The following PRR16 variants were observed in gnomAD, a reference collection of about 807,000 sequenced individuals.
PRR16 encodes the protein protein Largen.
PRR16 carries 6 observed loss-of-function variants against 18.2 expected under a neutral mutation model. That is an observed-to-expected ratio of 0.33 (90% CI 0.18 to 0.65). The LOEUF (loss-of-function observed/expected upper bound fraction) is 0.65. Among genes scored for constraint, PRR16 ranks in the 30% least tolerant of loss-of-function variants. The pLI is 0.74. For synonymous variants in PRR16, 151 were observed against 147.8 expected (o/e 1.02, Z -0.16); for missense variants, 412 against 376.6 (o/e 1.09, Z -0.78).
intron 1 of PRR16, among the ~76,000 whole-genome samples, chr5:120,552,139 G>T (rs1244707734): frequency 6.6e-6 from 1 of 151,928 alleles, no homozygotes; most frequent in Non-Finnish European, 1.5e-5. Flanking sequence ...ATTTTCAGAA[G>T]ATCATGTGAA....
At chr5:120,524,603 A>G (rs574357707) in intron 1 of PRR16, among the ~76,000 whole-genome samples, 1 of 152,218 alleles carries the variant, frequency 6.6e-6, no homozygotes, top group South Asian at 2.1e-4. Context: ...AATAAATATC[A>G]TCTAGTATTT....
the PRR16 span, among the ~76,000 whole-genome samples, chr5:120,700,842 C>T: frequency 6.6e-6 from 1 of 152,108 alleles, no homozygotes; most frequent in African/African-American, 2.4e-5. Flanking sequence ...GGCGATCGGG[C>T]AGTGTCAGTC....
the PRR16 span, among the ~76,000 whole-genome samples, chr5:120,766,596 C>T: frequency 6.6e-6 from 1 of 151,708 alleles, no homozygotes; most frequent in Non-Finnish European, 1.5e-5. Context: ...AGCTTAATTC[C>T]CTCTTAAGTG....
chr5:120,728,779 T>C, the PRR16 span, among the ~76,000 whole-genome samples: 3 of 152,214 alleles, frequency 2.0e-5, no homozygotes, highest in Non-Finnish European at 2.9e-5. Context: ...ACTCTACTTA[T>C]TCTTATAGCA....
intron 1 of PRR16, among the ~76,000 whole-genome samples, chr5:120,542,442 A>G (rs1240103991): frequency 6.6e-6 from 1 of 151,928 alleles, no homozygotes; most frequent in Non-Finnish European, 1.5e-5. Flanking sequence ...TCGTTACATG[A>G]TACACTTGTC....
chr5:120,569,686 T>G (rs2112732894), intron 1 of PRR16, among the ~76,000 whole-genome samples: 1 of 152,146 alleles, frequency 6.6e-6, no homozygotes, highest in African/African-American at 2.4e-5. Flanking sequence ...CGGTGTCCTG[T>G]CATGTTCCGG....
At chr5:120,561,899 A>T (rs1580726820) in intron 1 of PRR16, among the ~76,000 whole-genome samples, 1 of 152,242 alleles carries the variant, frequency 6.6e-6, no homozygotes. Context: ...GCCAAGTGGA[A>T]CTGTAAGCCT....
chr5:120,576,712 T>C (rs997812901), intron 1 of PRR16, among the ~76,000 whole-genome samples: 9 of 152,094 alleles, frequency 5.9e-5, no homozygotes, highest in African/African-American at 2.2e-4. Context: ...CAAACTGATA[T>C]CAGATCTTCC....
the PRR16 span, among the ~76,000 whole-genome samples, chr5:120,728,570 A>T: frequency 0.98 from 148,588 of 152,208 alleles, 72,637 homozygotes; most frequent in East Asian, 1. Flanking sequence ...GGGGGTGATT[A>T]GGAATCAAAT....
At chr5:120,596,282 T>A (rs748041803) in intron 1 of PRR16, among the ~76,000 whole-genome samples, 1 of 151,734 alleles carries the variant, frequency 6.6e-6, no homozygotes, top group Non-Finnish European at 1.5e-5. Flanking sequence ...CTAAACTTCA[T>A]CTGGATACTG....
At chr5:120,580,624 T>C (rs1052856214) in intron 1 of PRR16, among the ~76,000 whole-genome samples, 1 of 151,814 alleles carries the variant, frequency 6.6e-6, no homozygotes, top group Non-Finnish European at 1.5e-5. Flanking sequence ...CCGGCTAATT[T>C]TTTTGTATTT....
the PRR16 span, among the ~76,000 whole-genome samples, chr5:120,750,476 T>G: frequency 6.6e-6 from 1 of 151,714 alleles, no homozygotes; most frequent in Non-Finnish European, 1.5e-5. Flanking sequence ...CTGATCAACA[T>G]GGTGAAATCC....
chr5:120,791,707 TG>T, the PRR16 span, among the ~76,000 whole-genome samples: 1 of 151,686 alleles, frequency 6.6e-6, no homozygotes, highest in African/African-American at 2.4e-5. Context: ...GGAGCAAAAA[TG>T]GAACTCAATC....
At chr5:120,703,186 C>A in the PRR16 span, among the ~76,000 whole-genome samples, 29 of 152,010 alleles carry the variant, frequency 1.9e-4, no homozygotes, top group Admixed American at 7.2e-4. Context: ...AGTGGGGGTG[C>A]CTTTTGAGCC....
At chr5:120,687,543 G>A (rs1232782901), downstream of PRR16, among the ~76,000 whole-genome samples, 2 of 152,166 alleles carry the variant, frequency 1.3e-5, no homozygotes, top group Admixed American at 1.3e-4. Context: ...ATGTTGCCAA[G>A]CCCTCCTCAT....
chr5:120,585,981 C>G (rs1347462269), intron 1 of PRR16, among the ~76,000 whole-genome samples: 1 of 151,884 alleles, frequency 6.6e-6, no homozygotes, highest in Non-Finnish European at 1.5e-5. Flanking sequence ...CGAGACCATC[C>G]TGGCCAACAT....
At chr5:120,514,585 C>G (rs773711188) in intron 1 of PRR16, among the ~76,000 whole-genome samples, 2 of 152,154 alleles carry the variant, frequency 1.3e-5, no homozygotes, top group African/African-American at 4.8e-5. Context: ...GCCAGATGTC[C>G]TAGCTCTTAA....
intron 1 of PRR16, among the ~76,000 whole-genome samples, chr5:120,544,458 A>G (rs1458249861): frequency 1.3e-5 from 2 of 152,120 alleles, no homozygotes; most frequent in Non-Finnish European, 2.9e-5. Context: ...TCCAACATTA[A>G]GCAATGCCTT....
At chr5:120,527,756 C>T (rs1411802044) in intron 1 of PRR16, among the ~76,000 whole-genome samples, 3 of 152,104 alleles carry the variant, frequency 2.0e-5, no homozygotes, top group Non-Finnish European at 4.4e-5. Context: ...AAATGCCTTC[C>T]TATTTGAGTG....
Sources: gnomAD v4.1 joint callset for allele counts (sites outside exome capture counted in the v4.1 genomes callset) on GRCh38, gnomAD v4.1.1 for gene constraint, MANE v1.5 for transcripts, NCBI Gene and HGNC (gene_info 2026-07-23, HGNC 2026-07-21) for gene names.